Variants in DNAJC24 observed in about 807,000 individuals in gnomAD.
DNAJC24 encodes DnaJ heat shock protein family (Hsp40) member C24.
DNAJC24 carries 17 observed loss-of-function variants against 18.0 expected under a neutral mutation model. The ratio of observed to expected loss-of-function variants is 0.94; its 90% CI spans 0.65 to 1.42. DNAJC24 has a LOEUF of 1.42. DNAJC24 is among the 40% of genes most tolerant of loss of function. The pLI, the probability that DNAJC24 is intolerant of heterozygous loss-of-function variation, is 0.00. For synonymous variants in DNAJC24, 55 were observed against 57.7 expected (o/e 0.95, Z 0.21); for missense variants, 158 against 175.6 (o/e 0.90, Z 0.57).
chr11:31,393,620 C>T (rs1029840958), intron 2 of DNAJC24, among the ~76,000 whole-genome samples: 1 of 152,106 alleles, frequency 6.6e-6, no homozygotes, highest in African/African-American at 2.4e-5. Flanking sequence ...TCAGAGGATG[C>T]AGCGTGCATG....
chr11:31,387,756 CCAAA>C (rs1166470887), intron 2 of DNAJC24, among the ~76,000 whole-genome samples: 1 of 152,116 alleles, frequency 6.6e-6, no homozygotes, highest in African/African-American at 2.4e-5. Context: ...CACGACCTCA[CCAAA>C]CAAACTAAAT....
intron 2 of DNAJC24, among the ~76,000 whole-genome samples, chr11:31,389,787 A>G (rs1390372908): frequency 6.6e-6 from 1 of 152,244 alleles, no homozygotes; most frequent in Non-Finnish European, 1.5e-5. Flanking sequence ...TAAAATTCAA[A>G]CAAGTCTAAA....
Position 31,374,454 on chromosome 11 carries a change from TATC to T in DNAJC24, c.111+3598_111+3600del, listed in dbSNP as rs1322676740. Among the ~76,000 whole-genome samples, 204 of 134,666 alleles carry T rather than the reference TATC, an allele frequency of 1.5e-3. 13 individuals are homozygous for T. The highest frequency in any genetic ancestry group is 4.9e-3 in the African/African-American group (197 of 40,330). The allele number at this position is 134,666 out of a possible 152,430, so 88.3% of individuals were successfully genotyped here. Reference sequence around the variant, plus strand: ...TCATCCCTAGGATAAACAAACCACTTATCATGAAGCATTATTATATTTATACAT... The same window carrying T: ...TCATCCCTAGGATAAACAAACCACTTATGAAGCATTATTATATTTATACAT... On this transcript the variant is annotated intron_variant, in intron 2 of 4. Coordinates refer to ENST00000465995, the MANE Select transcript of DNAJC24 (RefSeq NM_181706.5).
chr11:31,397,627 A>G (rs183827824), intron 2 of DNAJC24, among the ~76,000 whole-genome samples: 134 of 152,210 alleles, frequency 8.8e-4, no homozygotes, highest in Non-Finnish European at 1.6e-3. Flanking sequence ...AACAACAACA[A>G]AACACAGCCA....
In DNAJC24 at chr11:31,381,538, C is replaced by G. The variant is rs1038278659; in HGVS notation, c.111+10679C>G. 4.0e-5 allele frequency among the ~76,000 whole-genome samples: 6 copies of G among 151,446 alleles called. 1 individual carries two copies. Among genetic ancestry groups the G allele is most frequent in the Admixed American group, 2.0e-4 (3 of 15,202 alleles). On this transcript the variant is annotated intron_variant, in intron 2 of 4. Transcript: ENST00000465995. Reference sequence around the variant, plus strand: ...ATCTTTTTCCCTGAAGCAACTTAAACTAGCTATTCATTACTTTTTGGTTAT... The same window carrying G: ...ATCTTTTTCCCTGAAGCAACTTAAAGTAGCTATTCATTACTTTTTGGTTAT...
chr11:31,426,865 A>T (rs565401970), intron 4 of DNAJC24: 1 of 150,576 alleles, frequency 6.6e-6, no homozygotes, highest in South Asian at 2.1e-4. Context: ...GAAGAAAAGA[A>T]TATCTGCCAT....
Position 31,401,535 on chromosome 11 carries a change from G to GC in DNAJC24, c.112-13269dup, listed in dbSNP as rs974341093. Among the ~76,000 whole-genome samples the GC allele has an allele frequency of 7.6e-5, 11 of 144,068 alleles. 1 individual carries two copies. Among genetic ancestry groups the GC allele is most frequent in the Admixed American group, 2.1e-4 (3 of 14,228 alleles). The allele number at this position is 144,068 out of a possible 152,430, so 94.5% of individuals were successfully genotyped here. A position where few individuals can be genotyped will look rare whatever the true frequency, so the allele number is the denominator to read the frequency against. ...TCTCCCATCCTCCTGCTTCCCCTCC[G>GC]CCCCCCCACTTCCTCCTCTGTTTTT... On this transcript the variant is annotated intron_variant, in intron 2 of 4. Transcript: ENST00000465995.
At chr11:31,415,099 A>G in intron 3 of DNAJC24, 150 bp downstream of exon 3, 3 of 812,362 alleles carry the variant, frequency 3.7e-6, no homozygotes, top group South Asian at 2.0e-5. Context: ...ATTATGCCCT[A>G]TTCTTAGCAG....
At chr11:31,404,389 C>T (rs369773959) in intron 2 of DNAJC24, among the ~76,000 whole-genome samples, 1 of 152,168 alleles carries the variant, frequency 6.6e-6, no homozygotes, top group Admixed American at 6.5e-5. Context: ...CTGTTATGAC[C>T]TTTTGCTTAC....
intron 3 of DNAJC24, chr11:31,421,926 TGAAA>T: frequency 2.3e-6 from 1 of 435,808 alleles, no homozygotes; most frequent in Non-Finnish European, 4.6e-6. Context: ...TTCTTCAGTG[TGAAA>T]GAATCTCCGT....
At chr11:31,392,624 G>A (rs906441332) in intron 2 of DNAJC24, among the ~76,000 whole-genome samples, 4 of 151,944 alleles carry the variant, frequency 2.6e-5, no homozygotes, top group Non-Finnish European at 5.9e-5. Context: ...GCCTTTCAAG[G>A]GTGATTAGAT....
chr11:31,413,392 G>T (rs1015396209), intron 2 of DNAJC24, among the ~76,000 whole-genome samples: 3 of 141,500 alleles, frequency 2.1e-5, no homozygotes, highest in Non-Finnish European at 4.5e-5. Flanking sequence ...GTGCAGTGGT[G>T]CAATCTCAGC....
intron 3 of DNAJC24, 172 bp downstream of exon 3, chr11:31,415,121 T>C: frequency 3.1e-6 from 2 of 644,378 alleles, no homozygotes. Flanking sequence ...GACTATTGTG[T>C]ATCCATTGAG....
chr11:31,403,418 C>T (rs533523124), intron 2 of DNAJC24, among the ~76,000 whole-genome samples: 1 of 152,260 alleles, frequency 6.6e-6, no homozygotes, highest in East Asian at 1.9e-4. Context: ...CATGCAAAGA[C>T]ATACATCAAC....
At chr11:31,402,759 CTT>C (rs1297045209) in intron 2 of DNAJC24, among the ~76,000 whole-genome samples, 1 of 152,174 alleles carries the variant, frequency 6.6e-6, no homozygotes, top group African/African-American at 2.4e-5. Context: ...ATCCTCCTGC[CTT>C]AGCTTCCCAA....
At chr11:31,429,432 A>G (rs374247553) in intron 4 of DNAJC24, 13 of 375,840 alleles carry the variant, frequency 3.5e-5, no homozygotes, top group African/African-American at 2.0e-4. Flanking sequence ...GTAATAATCA[A>G]TTATAATGGT....
intron 2 of DNAJC24, among the ~76,000 whole-genome samples, chr11:31,398,407 T>C (rs897807931): frequency 1.3e-5 from 2 of 152,210 alleles, no homozygotes; most frequent in Non-Finnish European, 2.9e-5. Context: ...TACCTATATA[T>C]GTTAGTATAT....
intron 2 of DNAJC24, among the ~76,000 whole-genome samples, chr11:31,411,726 A>C (rs1291018870): frequency 1.3e-5 from 2 of 152,332 alleles, no homozygotes; most frequent in East Asian, 3.9e-4. Flanking sequence ...GCCCAACCAG[A>C]TAATCCAGCA....
intron 2 of DNAJC24, among the ~76,000 whole-genome samples, chr11:31,413,643 C>T (rs1338742360): frequency 6.6e-6 from 1 of 152,092 alleles, no homozygotes; most frequent in Non-Finnish European, 1.5e-5. Context: ...TAAATACTAT[C>T]TTTTAATGAT....
Sources: allele counts gnomAD v4.1 joint callset (sites outside exome capture counted in the v4.1 genomes callset), GRCh38; gene constraint gnomAD v4.1.1; transcripts MANE v1.5; gene names NCBI Gene and HGNC (gene_info 2026-07-23, HGNC 2026-07-21).